CNTN4: variants seen among roughly 807,000 people sequenced by gnomAD.
CNTN4 encodes the protein contactin 4.
CNTN4 carries 77 observed loss-of-function variants against 122.5 expected under a neutral mutation model. That is an observed-to-expected ratio of 0.63 (90% CI 0.52 to 0.76). CNTN4 has a LOEUF of 0.76. CNTN4 is among the 30% of genes least tolerant of loss of function. The pLI is 0.00. For missense variants in CNTN4, 1,256 were observed against 1,259.1 expected (o/e 1.00, Z 0.04); for synonymous variants, 512 against 447.0 (o/e 1.15, Z -1.83).
chr3:3,009,231 G>A (rs1465585569), intron 14 of CNTN4, among the ~76,000 whole-genome samples: 1 of 152,112 alleles, frequency 6.6e-6, no homozygotes, highest in Admixed American at 6.5e-5. Context: ...TTCTCTGGGA[G>A]GCCAGCCTAC....
chr3:2,799,026 G>A (rs2675323), intron 6 of CNTN4, among the ~76,000 whole-genome samples: 92,733 of 152,090 alleles, frequency 0.61, 28,472 homozygotes, highest in South Asian at 0.75. Context: ...TTTCATAGTA[G>A]TCATTCTGAC....
intron 6 of CNTN4, among the ~76,000 whole-genome samples, chr3:2,787,505 A>G (rs2091874983): frequency 6.6e-6 from 1 of 152,388 alleles, no homozygotes; most frequent in South Asian, 2.1e-4. Context: ...TATAAAAGCC[A>G]TAGTGTTTAT....
chr3:2,342,839 G>T (rs2044259346), intron 3 of CNTN4, among the ~76,000 whole-genome samples: 1 of 152,136 alleles, frequency 6.6e-6, no homozygotes, highest in South Asian at 2.1e-4. Flanking sequence ...GCATGAGAAT[G>T]GACTAATATA....
chr3:2,286,165 A>G (rs1214988767), intron 2 of CNTN4, among the ~76,000 whole-genome samples: 2 of 151,330 alleles, frequency 1.3e-5, no homozygotes, highest in Non-Finnish European at 1.5e-5. Flanking sequence ...GGTAGGTTGA[A>G]CTTTTAAACA....
chr3:3,045,684 T>A (rs1700574581), intron 23 of CNTN4, among the ~76,000 whole-genome samples: 1 of 151,962 alleles, frequency 6.6e-6, no homozygotes, highest in Non-Finnish European at 1.5e-5. Context: ...GGGGAAAAAA[T>A]AGAGCAGAAA....
intron 2 of CNTN4, among the ~76,000 whole-genome samples, chr3:2,219,618 T>C (rs918335647): frequency 3.9e-5 from 6 of 152,208 alleles, no homozygotes; most frequent in African/African-American, 1.4e-4. Flanking sequence ...AAAGAATCTT[T>C]AATTTAGGCT....
intron 2 of CNTN4, among the ~76,000 whole-genome samples, chr3:2,118,578 TATTC>T (rs1399949325): frequency 4.6e-5 from 7 of 152,364 alleles, no homozygotes; most frequent in African/African-American, 1.7e-4. Flanking sequence ...AGTTATATAT[TATTC>T]ATTAATCTGA....
intron 14 of CNTN4, among the ~76,000 whole-genome samples, chr3:3,002,227 T>C (rs1389351274): frequency 6.6e-6 from 1 of 152,192 alleles, no homozygotes; most frequent in Non-Finnish European, 1.5e-5. Context: ...ATGACAAAAT[T>C]TGTGCTAAGC....
chr3:2,897,064 A>G (rs2094123344), intron 10 of CNTN4, among the ~76,000 whole-genome samples: 1 of 151,850 alleles, frequency 6.6e-6, no homozygotes, highest in African/African-American at 2.4e-5. Flanking sequence ...AATACTCCTG[A>G]GAATTGTTTG....
chr3:2,758,517 CTT>C (rs34531341), intron 6 of CNTN4, among the ~76,000 whole-genome samples: 1 of 124,258 alleles, frequency 8.0e-6, no homozygotes, highest in African/African-American at 3.0e-5. Context: ...CAACACCATA[CTT>C]TTTTTTTTTT....
At chr3:2,157,237 G>A (rs964023746) in intron 2 of CNTN4, among the ~76,000 whole-genome samples, 1 of 152,222 alleles carries the variant, frequency 6.6e-6, no homozygotes, top group Non-Finnish European at 1.5e-5. Context: ...TGGATAATAT[G>A]TGAGACTGGG....
At chr3:2,260,473 A>G (rs1399394406) in intron 2 of CNTN4, among the ~76,000 whole-genome samples, 1 of 152,088 alleles carries the variant, frequency 6.6e-6, no homozygotes. Context: ...TTAGGATGAG[A>G]TTTAAGAACA....
chr3:2,570,519 G>T (rs970371772), intron 3 of CNTN4, among the ~76,000 whole-genome samples: 3 of 152,082 alleles, frequency 2.0e-5, no homozygotes, highest in African/African-American at 7.2e-5. Context: ...TAAAACTTAG[G>T]AGATTTTCAA....
chr3:2,497,041 C>G (rs2076471210), intron 3 of CNTN4, among the ~76,000 whole-genome samples: 1 of 152,152 alleles, frequency 6.6e-6, no homozygotes, highest in Non-Finnish European at 1.5e-5. Context: ...CAGGTGATGC[C>G]TGCCCACATT....
rs763988703 is a variant in CNTN4 at position 2,891,871 on chromosome 3, GGTT to G, written c.940+4651_940+4653del. 1.8e-4 allele frequency among the ~76,000 whole-genome samples: 28 copies of G among 152,318 alleles called. No individual in the cohort carries two copies. The South Asian group carries it at 2.1e-3, about 11-fold the overall frequency. On this transcript the variant is annotated intron_variant, in intron 10 of 24. Coordinates refer to ENST00000418658, the MANE Select transcript of CNTN4 (RefSeq NM_175607.3). ...ATTAATGTTTTGAAAAGACCGCTCA[GGTT>G]GTTTTGTGGTGAATGGATGATTGGA...
intron 2 of CNTN4, among the ~76,000 whole-genome samples, chr3:2,201,341 A>T (rs2038087772): frequency 6.6e-6 from 1 of 152,222 alleles, no homozygotes; most frequent in Non-Finnish European, 1.5e-5. Flanking sequence ...GTAGAAGTTT[A>T]AAATATTTAA....
intron 7 of CNTN4, among the ~76,000 whole-genome samples, chr3:2,854,604 A>C (rs1577063662): frequency 6.6e-6 from 1 of 152,094 alleles, no homozygotes; most frequent in South Asian, 2.1e-4. Flanking sequence ...ACATTTGATT[A>C]AGGGTTAATT....
At chr3:2,117,485 T>C (rs2033436063) in intron 2 of CNTN4, among the ~76,000 whole-genome samples, 1 of 152,170 alleles carries the variant, frequency 6.6e-6, no homozygotes, top group African/African-American at 2.4e-5. Flanking sequence ...GTATTGGCCA[T>C]TGGTGATCAA....
chr3:2,452,326 C>G (rs141865836), intron 3 of CNTN4, among the ~76,000 whole-genome samples: 1 of 152,260 alleles, frequency 6.6e-6, no homozygotes, highest in Non-Finnish European at 1.5e-5. Context: ...GCAGGAGCAC[C>G]AAGTGTTAGT....
Sources: gnomAD v4.1 joint callset for allele counts (sites outside exome capture counted in the v4.1 genomes callset) on GRCh38, gnomAD v4.1.1 for gene constraint, MANE v1.5 for transcripts, NCBI Gene and HGNC (gene_info 2026-07-23, HGNC 2026-07-21) for gene names.